The following KRT83 variants were observed in gnomAD, a reference collection of about 807,000 sequenced individuals.
The protein encoded by KRT83 is keratin, type II cuticular Hb3.
A neutral mutation model predicts 52.9 loss-of-function variants in KRT83; 51 were observed. The observed-to-expected ratio is 0.96, with a 90% CI of 0.77 to 1.22. KRT83 has a LOEUF of 1.22. Ranked by LOEUF, KRT83 falls within the 50% of genes most tolerant of loss-of-function variation. KRT83 has a pLI of 0.00. For missense variants in KRT83, 654 were observed against 666.5 expected (o/e 0.98, Z 0.21); for synonymous variants, 278 against 274.1 (o/e 1.01, Z -0.14).
chr12:52,319,151 C>T lies in KRT83; in HGVS notation c.593+5G>A, dbSNP rs1210871855. On this transcript the variant is annotated splice_donor_5th_base_variant and intron_variant, in intron 2 of 8. Coordinates refer to ENST00000293670, the MANE Select transcript of KRT83 (RefSeq NM_002282.3). ...GTGCCCAGAACCCCTCCTGCCCACACTCACTTCTTCTTGTAGCCCTCCAGC... is the reference window on the plus strand; with the variant it reads ...GTGCCCAGAACCCCTCCTGCCCACATTCACTTCTTCTTGTAGCCCTCCAGC... 6.2e-7 allele frequency: 1 copy of T among 1,612,988 alleles called. No homozygotes were observed. Among genetic ancestry groups the T allele is most frequent in the African/African-American group, 1.3e-5 (1 of 74,910 alleles).
At chr12:52,317,453 A>G (rs895164074) in intron 4 of KRT83, among the ~76,000 whole-genome samples, 2 of 152,172 alleles carry the variant, frequency 1.3e-5, no homozygotes, top group African/African-American at 4.8e-5. Context: ...TTCCCAAGGC[A>G]CAGGTGTCTG....
chr12:52,316,386 T>C, intron 6 of KRT83, 82 bp downstream of exon 6: 23 of 1,600,468 alleles, frequency 1.4e-5, no homozygotes, highest in Non-Finnish European at 2.0e-5. Context: ...GGGAAGACTT[T>C]TCCAGAATCT....
Position 52,321,123 on chromosome 12 carries a change from G to A in KRT83, c.213C>T (p.Arg71=). The A allele has an allele frequency of 6.2e-7, 1 of 1,612,402 alleles. No individual in the cohort carries two copies. The highest frequency in any genetic ancestry group is 8.5e-7 in the Non-Finnish European group (1 of 1,179,908). Residue 71 remains arginine, a synonymous_variant, in exon 1 of 9, where the codon CGC becomes CGT. Coordinates refer to ENST00000293670, the MANE Select transcript of KRT83 (RefSeq NM_002282.3). ...AGSCGRSFGY[R]SGGVCGPSPP... is the part of the protein sequence containing the mutation. ...GGCTGGGTCCGCACACGCCCCCGGAGCGGTAGCCGAAGCTGCGTCCGCAGG... is the reference window on the plus strand; with the variant it reads ...GGCTGGGTCCGCACACGCCCCCGGAACGGTAGCCGAAGCTGCGTCCGCAGG...
chr12:52,314,669 T>G lies in KRT83; in HGVS notation c.1444A>C (p.Thr482Pro). 6.3e-7 allele frequency: 1 copy of G among 1,578,818 alleles called. No individual in the cohort carries two copies. The highest frequency in any genetic ancestry group is 8.6e-7 in the Non-Finnish European group (1 of 1,162,336). The change falls in exon 9 of 9, where the codon ACC becomes CCC. Residue 482 changes from threonine (T) to proline (P), a missense_variant. By Grantham distance (38) the Thr-to-Pro change is conservative (BLOSUM62 -1). Transcript: ENST00000293670. ...LCKPCGQLNT[T>P]CGGGSCGQGR... ...TGGCCGCAGGAGCCCCCTCCACAGG[T>G]GGTGTTCAGCTGGCCACAGGGCTTG...
chr12:52,317,817 GA>G, intron 3 of KRT83, 41 bp from the exon 4 acceptor site: 1 of 1,612,870 alleles, frequency 6.2e-7, no homozygotes, highest in Non-Finnish European at 8.5e-7. Context: ...GCTTTCCTCA[GA>G]GGGCTCTGAG....
rs141230746 is a variant in KRT83 at position 52,320,824 on chromosome 12, C to T, written c.384+128G>A. ...TTCTGTCTGTGTCCTAGAAGTATGA[C>T]TACCTTTCCCTTTGGCCTGGGAACT... On this transcript the variant is annotated intron_variant, in intron 1 of 8. Transcript: ENST00000293670. 1.0e-5 allele frequency: 16 copies of T among 1,579,676 alleles called. No homozygotes were observed. In the African/African-American group the frequency reaches 1.7e-4, roughly 17 times the overall value.
chr12:52,321,151 C>G lies in KRT83; in HGVS notation c.185G>C (p.Gly62Ala), dbSNP rs756638517. ...SHSVCGGFRA[G>A]SCGRSFGYRS... ...GTAGCCGAAGCTGCGTCCGCAGGAG[C>G]CGGCGCGGAAGCCCCCGCACACGCT... The change falls in exon 1 of 9, where the codon GGC becomes GCC. Residue 62 changes from glycine (G) to alanine (A), a missense_variant. Transcript: ENST00000293670. The G allele has an allele frequency of 1.2e-6, 2 of 1,612,284 alleles. No individual in the cohort carries two copies. Among genetic ancestry groups the G allele is most frequent in the East Asian group, 4.5e-5 (2 of 44,892 alleles).
chr12:52,314,927 G>T, intron 8 of KRT83, 109 bp from the exon 9 acceptor site: 2 of 1,124,270 alleles, frequency 1.8e-6, no homozygotes, highest in Non-Finnish European at 2.6e-6. Flanking sequence ...GATGCAAAGA[G>T]CCTCCAGTTC....
rs753773907 is a variant in KRT83, at chr12:52,315,931, G to A, written c.1224C>T (p.Ile408=). The A allele has an allele frequency of 5.3e-5, 85 of 1,612,642 alleles. No individual in the cohort carries two copies. Among genetic ancestry groups the A allele is most frequent in the Non-Finnish European group, 6.7e-5 (79 of 1,179,904 alleles). The stretch of plus-strand genomic sequence containing the variant: ...CCTCCAGCAGGCGCCTGTAGGTGGC[G>A]ATCTCGATATCCAGGCCTAGCTTGG... ...MNSKLGLDIE[I]ATYRRLLEGE... Residue 408 remains isoleucine, a synonymous_variant, in exon 7 of 9, where the codon ATC becomes ATT. Coordinates refer to ENST00000293670, the MANE Select transcript of KRT83 (RefSeq NM_002282.3).
chr12:52,319,486 TTA>T, intron 1 of KRT83, 122 bp from the exon 2 acceptor site: 2 of 1,380,446 alleles, frequency 1.4e-6, no homozygotes, highest in East Asian at 4.9e-5. Flanking sequence ...CTGGAAGGCG[TTA>T]TGTCATCTCT....
At chr12:52,315,842 A>G in intron 7 of KRT83, 51 bp downstream of exon 7, 1 of 1,611,214 alleles carries the variant, frequency 6.2e-7, no homozygotes, top group Non-Finnish European at 8.5e-7. Context: ...GGAAAAATCA[A>G]AGGTGGGCAG....
Position 52,314,729 on chromosome 12 carries a change from A to C in KRT83, c.1384T>G (p.Cys462Gly). The C allele has an allele frequency of 3.1e-6, 5 of 1,592,524 alleles. No individual in the cohort carries two copies. Among genetic ancestry groups the C allele is most frequent in the Non-Finnish European group, 4.3e-6 (5 of 1,169,910 alleles). The change falls in exon 9 of 9, where the codon TGC (cysteine) becomes GGC (glycine). Residue 462 changes from cysteine (C) to glycine (G), a missense_variant. Transcript: ENST00000293670. ...PVTGSVCSAPCNGNLVVSTGL... is the reference protein window; with the variant it reads ...PVTGSVCSAPGNGNLVVSTGL... ...GTGCTCACCACCAGGTTCCCGTTGC[A>C]GGGGGCACTGCAGACGCTGCCCGTC...
Position 52,319,312 on chromosome 12 carries a change from T to C in KRT83, c.437A>G (p.Tyr146Cys), listed in dbSNP as rs1299685182. ...ACTCTGGCAGCACTCGCGGTTTTGG[T>C]AGAACTGCAGCTTTGTCTCCAGCAG... The part of the protein sequence containing the change: ...NKLLETKLQF[Y>C]QNRECCQSNL... Residue 146 changes from tyrosine (Y) to cysteine (C), a missense_variant, in exon 2 of 9, where the codon TAC becomes TGC. Transcript: ENST00000293670. 3.1e-6 allele frequency: 5 copies of C among 1,613,966 alleles called. No homozygotes were observed. The highest frequency in any genetic ancestry group is 3.4e-6 in the Non-Finnish European group (4 of 1,179,934).
intron 4 of KRT83, among the ~76,000 whole-genome samples, chr12:52,317,225 A>C (rs142941612): frequency 6.6e-6 from 1 of 152,196 alleles, no homozygotes; most frequent in African/African-American, 2.4e-5. Context: ...TGCTTTTGGA[A>C]TTATTCAGGC....
In KRT83 at chr12:52,320,942, C is replaced by T. The variant is rs1054467808; in HGVS notation, c.384+10G>A. ...GGTTCAGGAAGGGTGTGATCCAGGA[C>T]GACACCCACCTTGTCGATGAAGGCC... On this transcript the variant is annotated intron_variant, in intron 1 of 8. Transcript: ENST00000293670. 1.2e-6 allele frequency: 2 copies of T among 1,613,826 alleles called. No homozygotes were observed. The highest frequency in any genetic ancestry group is 1.1e-5 in the South Asian group (1 of 91,070).
chr12:52,315,858 T>C, intron 7 of KRT83, 35 bp downstream of exon 7: 3 of 1,612,098 alleles, frequency 1.9e-6, no homozygotes, highest in Non-Finnish European at 1.7e-6. Flanking sequence ...GGCAGGTCTA[T>C]GCAAGTGGAG....
Position 52,319,280 on chromosome 12 carries a change from C to T in KRT83, c.469G>A (p.Glu157Lys), listed in dbSNP as rs752054850. Residue 157 changes from glutamate to lysine, a missense_variant, in exon 2 of 9, where the codon GAG becomes AAG. Transcript: ENST00000293670. ...TCGATGTAGCCAGCAAACAGGGGCTCCAGGTTACTCTGGCAGCACTCGCGG... is the reference window on the plus strand; with the variant it reads ...TCGATGTAGCCAGCAAACAGGGGCTTCAGGTTACTCTGGCAGCACTCGCGG... ...QNRECCQSNL[E>K]PLFAGYIETL... The T allele has an allele frequency of 4.3e-6, 7 of 1,614,060 alleles. No homozygotes were observed. Among genetic ancestry groups the T allele is most frequent in the Non-Finnish European group, 5.9e-6 (7 of 1,179,938 alleles).
At position 52,319,328 on chromosome 12, in the gene KRT83, T is replaced by A. The variant is rs370801291; in HGVS notation, c.421A>T (p.Thr141Ser). The part of the protein sequence containing the change: ...FLEQQNKLLE[T>S]KLQFYQNREC... ...CGGTTTTGGTAGAACTGCAGCTTTG[T>A]CTCCAGCAGCTTGTTCTGCTGCTCC... Residue 141 changes from threonine to serine, a missense_variant, in exon 2 of 9, where the codon ACA becomes TCA. Transcript: ENST00000293670. 2.8e-5 allele frequency: 45 copies of A among 1,614,012 alleles called. No homozygotes were observed. In the African/African-American group the frequency reaches 6.0e-4, roughly 22 times the overall value.
rs1938690721 is a variant in KRT83, at chr12:52,316,531, C to G, written c.978G>C (p.Glu326Asp). 1.9e-6 allele frequency: 3 copies of G among 1,614,048 alleles called. No individual in the cohort carries two copies. Among genetic ancestry groups the G allele is most frequent in the African/African-American group, 2.7e-5 (2 of 74,926 alleles). The change falls in exon 6 of 9, where the codon GAG becomes GAC. Residue 326 changes from glutamate to aspartate, a missense_variant. Glu to Asp is a conservative substitution (Grantham distance 45). Transcript: ENST00000293670. ...HGETLRRTKE[E>D]INELNRMIQR... ...GGATCATGCGGTTCAGCTCGTTGAT[C>G]TCCTCCTTGGTGCGGCGCAGGGTCT...
Sources: allele counts gnomAD v4.1 joint callset (sites outside exome capture counted in the v4.1 genomes callset), GRCh38; gene constraint gnomAD v4.1.1; transcripts MANE v1.5; gene names NCBI Gene and HGNC (gene_info 2026-07-23, HGNC 2026-07-21).